Variants in GPC5 observed in about 807,000 individuals in gnomAD.
GPC5 encodes glypican 5, also known as glypican-5.
A neutral mutation model predicts 53.9 loss-of-function variants in GPC5; 47 were observed. That is an observed-to-expected ratio of 0.87 (90% CI 0.69 to 1.11). GPC5 has a LOEUF of 1.11. GPC5 is among the 50% of genes most tolerant of loss of function. The pLI is 0.00. For missense variants in GPC5, 748 were observed against 713.1 expected (o/e 1.05, Z -0.56); for synonymous variants, 286 against 263.3 (o/e 1.09, Z -0.84).
At chr13:91,775,133 G>A (rs2037689626) in intron 5 of GPC5, among the ~76,000 whole-genome samples, 1 of 152,126 alleles carries the variant, frequency 6.6e-6, no homozygotes, top group Non-Finnish European at 1.5e-5. Flanking sequence ...TCAGGAGATG[G>A]GAGCAAAGGA....
intron 7 of GPC5, among the ~76,000 whole-genome samples, chr13:92,799,172 G>A (rs1028813280): frequency 2.1e-4 from 32 of 151,672 alleles, no homozygotes; most frequent in African/African-American, 7.2e-4. Context: ...TGACAAATAC[G>A]TAAGTGGGAA....
chr13:92,094,694 T>C (rs2041408226), intron 6 of GPC5, among the ~76,000 whole-genome samples: 1 of 151,950 alleles, frequency 6.6e-6, no homozygotes, highest in African/African-American at 2.4e-5. Context: ...TTAATATACA[T>C]GTTCTAATAT....
At chr13:92,415,440 T>G (rs920087917) in intron 7 of GPC5, among the ~76,000 whole-genome samples, 2 of 151,260 alleles carry the variant, frequency 1.3e-5, no homozygotes, top group African/African-American at 4.9e-5. Context: ...TAGTCCAAAA[T>G]TGGGTATGAG....
intron 6 of GPC5, among the ~76,000 whole-genome samples, chr13:92,107,672 T>C (rs186118052): frequency 1.3e-4 from 20 of 152,246 alleles, no homozygotes; most frequent in Admixed American, 4.6e-4. Flanking sequence ...ATTTTATAGA[T>C]TAAAAAACAG....
chr13:92,220,296 A>C (rs1344025388), intron 7 of GPC5, among the ~76,000 whole-genome samples: 1 of 152,158 alleles, frequency 6.6e-6, no homozygotes, highest in Non-Finnish European at 1.5e-5. Context: ...TTTACATTTT[A>C]TTGGGGTGGC....
At position 91,448,930 on chromosome 13, in the gene GPC5, G is replaced by C. The variant is rs757404635; in HGVS notation, c.325+8G>C. 1 of 1,610,756 alleles carries C rather than the reference G, an allele frequency of 6.2e-7. No individual in the cohort carries two copies. Among genetic ancestry groups the C allele is most frequent in the Non-Finnish European group, 8.5e-7 (1 of 1,178,462 alleles). On this transcript the variant is annotated splice_region_variant and intron_variant, in intron 2 of 7. Transcript: ENST00000377067. ...ATGCGGCTGCTTTTCAAGGTAAGTG[G>C]ATCTTGAATTCTGCAACTAAGGACT... is the stretch of plus-strand genomic sequence containing the variant.
At chr13:92,345,113 G>A (rs1462432725) in intron 7 of GPC5, among the ~76,000 whole-genome samples, 1 of 151,960 alleles carries the variant, frequency 6.6e-6, no homozygotes, top group African/African-American at 2.4e-5. Context: ...AAGTGCATGA[G>A]GAGTTACCAG....
At chr13:92,228,210 A>G (rs1227081318) in intron 7 of GPC5, among the ~76,000 whole-genome samples, 1 of 151,716 alleles carries the variant, frequency 6.6e-6, no homozygotes, top group African/African-American at 2.4e-5. Context: ...GTTGAAAAAA[A>G]AATCTCGGTA....
In GPC5 at chr13:92,866,640, C is replaced by A. The variant is rs1228500525; in HGVS notation, c.*201C>A. 1 of 382,528 alleles carries A rather than the reference C, an allele frequency of 2.6e-6. No individual in the cohort carries two copies. The allele number at this position is 382,528 out of a possible 1,614,324, so 23.7% of individuals were successfully genotyped here. A position where few individuals can be genotyped will look rare whatever the true frequency, so the allele number is the denominator to read the frequency against. On this transcript the variant is annotated 3_prime_UTR_variant, in exon 8 of 8. Transcript: ENST00000377067. The stretch of plus-strand genomic sequence containing the variant: ...TAAATGACACACTTTAAAAATATGT[C>A]TTTTTTCAATCTAACTGAAAACCTT...
chr13:91,449,958 TC>T (rs1881071611), intron 2 of GPC5, among the ~76,000 whole-genome samples: 1 of 152,158 alleles, frequency 6.6e-6, no homozygotes, highest in Non-Finnish European at 1.5e-5. Context: ...CTGTTAGTAT[TC>T]CTTTTAAATA....
chr13:91,440,931 G>A (rs970696799), intron 1 of GPC5, among the ~76,000 whole-genome samples: 12 of 152,148 alleles, frequency 7.9e-5, no homozygotes, highest in African/African-American at 2.9e-4. Context: ...TGGGGTTCTT[G>A]CTCTCAGCCC....
chr13:91,946,766 C>T (rs1302626509), intron 6 of GPC5, among the ~76,000 whole-genome samples: 2 of 151,716 alleles, frequency 1.3e-5, no homozygotes, highest in South Asian at 4.2e-4. Flanking sequence ...TTATAGATAA[C>T]GAGAAAAAAA....
At chr13:92,319,709 A>G (rs976219553) in intron 7 of GPC5, among the ~76,000 whole-genome samples, 2 of 152,178 alleles carry the variant, frequency 1.3e-5, no homozygotes, top group Admixed American at 6.6e-5. Flanking sequence ...CTGATGAAGC[A>G]TACACATTTG....
intron 7 of GPC5, among the ~76,000 whole-genome samples, chr13:92,215,178 T>C (rs2042401168): frequency 6.6e-6 from 1 of 152,006 alleles, no homozygotes; most frequent in African/African-American, 2.4e-5. Context: ...AACAGGGAGG[T>C]GGAAGTACAC....
chr13:92,385,966 C>G (rs1482643455), intron 7 of GPC5, among the ~76,000 whole-genome samples: 1 of 151,576 alleles, frequency 6.6e-6, no homozygotes, highest in Admixed American at 6.6e-5. Flanking sequence ...CCCCATAAAA[C>G]AATCCTATTT....
chr13:91,864,048 A>G (rs1055225474), intron 5 of GPC5, among the ~76,000 whole-genome samples: 2 of 152,192 alleles, frequency 1.3e-5, no homozygotes, highest in Admixed American at 6.5e-5. Flanking sequence ...ATCAATGATT[A>G]TATTTGGTTC....
intron 7 of GPC5, among the ~76,000 whole-genome samples, chr13:92,613,444 A>AT (rs1178930277): frequency 2.7e-5 from 2 of 73,056 alleles, no homozygotes; most frequent in African/African-American, 1.2e-4. Context: ...ATATAAATAT[A>AT]TATATTTATA....
chr13:91,593,865 T>C (rs1382591016), intron 2 of GPC5, among the ~76,000 whole-genome samples: 1 of 152,108 alleles, frequency 6.6e-6, no homozygotes, highest in Non-Finnish European at 1.5e-5. Context: ...CAAAGAGATT[T>C]TCTTTCTGGC....
chr13:92,779,176 T>C (rs1355195331), intron 7 of GPC5, among the ~76,000 whole-genome samples: 2 of 152,016 alleles, frequency 1.3e-5, no homozygotes, highest in Non-Finnish European at 2.9e-5. Context: ...GACAAGAGAA[T>C]AGAGCTTGTG....
Sources: allele counts gnomAD v4.1 joint callset (sites outside exome capture counted in the v4.1 genomes callset), GRCh38; gene constraint gnomAD v4.1.1; transcripts MANE v1.5; gene names NCBI Gene and HGNC (gene_info 2026-07-23, HGNC 2026-07-21).